DOCK2: variants seen among roughly 807,000 people sequenced by gnomAD.
DOCK2 encodes dedicator of cytokinesis 2, also known as dedicator of cytokinesis protein 2.
In DOCK2, 87 loss-of-function variants were observed where a neutral mutation model predicts 248.9. The observed-to-expected ratio is 0.35, with a 90% CI of 0.29 to 0.42. DOCK2 has a LOEUF of 0.42. DOCK2 is among the 10% of genes least tolerant of loss of function. The pLI is 1.00. For synonymous variants in DOCK2, 805 were observed against 821.6 expected (o/e 0.98, Z 0.35); for missense variants, 1,747 against 2,300.2 (o/e 0.76, Z 4.92).
intron 6 of DOCK2, 37 bp from the exon 7 acceptor site, chr5:169,681,707 C>G: frequency 6.2e-7 from 1 of 1,607,678 alleles, no homozygotes; most frequent in Non-Finnish European, 8.5e-7. Context: ...TAAAGTTCTC[C>G]CCTGATTTGT....
At chr5:170,065,741 G>A (rs1581570173) in intron 44 of DOCK2, among the ~76,000 whole-genome samples, 1 of 152,076 alleles carries the variant, frequency 6.6e-6, no homozygotes, top group African/African-American at 2.4e-5. Flanking sequence ...AGAACAGCAT[G>A]GGAAAGACCT....
chr5:169,973,684 C>T (rs1777608578), intron 27 of DOCK2, among the ~76,000 whole-genome samples: 1 of 152,130 alleles, frequency 6.6e-6, no homozygotes, highest in African/African-American at 2.4e-5. Context: ...GTATTGGTAC[C>T]TCATACAGAA....
rs996393477 is a variant in DOCK2, at chr5:169,772,055, C to T, written c.2554+10430C>T. On this transcript the variant is annotated intron_variant, in intron 25 of 51. Transcript: ENST00000520908. ...TTGCATTTTCAGGACATTGCTCTTT[C>T]CTACAGGCTGTGGGCTGAGTTGCTA... 2.6e-5 allele frequency among the ~76,000 whole-genome samples: 4 copies of T among 152,292 alleles called. 1 individual carries two copies. The highest frequency in any genetic ancestry group is 6.8e-3 in the Middle Eastern group (2 of 294).
intron 9 of DOCK2, among the ~76,000 whole-genome samples, chr5:169,691,789 C>T (rs1183008760): frequency 6.6e-6 from 1 of 152,068 alleles, no homozygotes; most frequent in African/African-American, 2.4e-5. Flanking sequence ...CTGAGCCTGG[C>T]ATGTGGGTCC....
At chr5:170,061,687 G>A (rs536004300) in intron 44 of DOCK2, among the ~76,000 whole-genome samples, 20 of 152,198 alleles carry the variant, frequency 1.3e-4, no homozygotes, top group Non-Finnish European at 2.1e-4. Context: ...CTATAATGAG[G>A]CTAACACTTT....
At chr5:170,038,984 G>A (rs969662238) in intron 36 of DOCK2, among the ~76,000 whole-genome samples, 1 of 152,228 alleles carries the variant, frequency 6.6e-6, no homozygotes. Context: ...TGGAGGTCAT[G>A]TGCAATTTCA....
chr5:170,050,978 G>A (rs868606657), intron 41 of DOCK2, among the ~76,000 whole-genome samples: 2 of 152,298 alleles, frequency 1.3e-5, no homozygotes, highest in Non-Finnish European at 1.5e-5. Context: ...TAAAAGAGGC[G>A]TTAAGTGACT....
At chr5:170,035,491 A>G (rs1009949327) in intron 35 of DOCK2, among the ~76,000 whole-genome samples, 6 of 152,186 alleles carry the variant, frequency 3.9e-5, no homozygotes, top group Admixed American at 2.0e-4. Context: ...ATTCATTGCT[A>G]ATAACTCCAC....
At chr5:169,780,717 G>A (rs1765666994) in intron 25 of DOCK2, among the ~76,000 whole-genome samples, 1 of 152,104 alleles carries the variant, frequency 6.6e-6, no homozygotes, top group Non-Finnish European at 1.5e-5. Flanking sequence ...TTGAAAGATG[G>A]TAATATCGTC....
chr5:169,849,712 G>T (rs1000745653), intron 27 of DOCK2, among the ~76,000 whole-genome samples: 4 of 152,226 alleles, frequency 2.6e-5, no homozygotes. Context: ...TAACAGAAGA[G>T]GACAAGGCTG....
At chr5:170,053,170 G>A (rs1004084360) in intron 41 of DOCK2, among the ~76,000 whole-genome samples, 7 of 152,220 alleles carry the variant, frequency 4.6e-5, no homozygotes, top group African/African-American at 1.7e-4. Context: ...ACAACTTCAG[G>A]GGACTTGTGT....
At chr5:170,034,628 G>T in intron 35 of DOCK2, 73 bp downstream of exon 35, 1 of 1,573,200 alleles carries the variant, frequency 6.4e-7, no homozygotes, top group Non-Finnish European at 8.6e-7. Context: ...TGGGTCTCAC[G>T]ATTGTTCTTC....
At position 169,985,849 on chromosome 5, in the gene DOCK2, A is replaced by C. The variant is rs1282618236; in HGVS notation, c.2920A>C (p.Ile974Leu). The part of the protein sequence containing the change: ...ELVDFLMETF[I>L]MFKDLIGKNV... ...TCAGGACTTCTTGATGGAGACCTTC[A>C]TCATGTTCAAGGACCTCATTGGAAA... Residue 974 changes from isoleucine to leucine, a missense_variant, in exon 29 of 52, where the codon ATC becomes CTC. By Grantham distance (5) the Ile-to-Leu change is conservative. This residue lies in a region of DOCK2 where 858 missense variants were observed against 1,183.5 expected (regional missense o/e 0.72). Coordinates refer to ENST00000520908, the MANE Select transcript of DOCK2 (RefSeq NM_004946.3). 1 of 1,610,186 alleles carries C rather than the reference A, an allele frequency of 6.2e-7. No homozygotes were observed. The highest frequency in any genetic ancestry group is 8.5e-7 in the Non-Finnish European group (1 of 1,177,720).
At chr5:169,800,931 CT>C (rs1766925206) in intron 25 of DOCK2, among the ~76,000 whole-genome samples, 1 of 77,632 alleles carries the variant, frequency 1.3e-5, no homozygotes, top group South Asian at 4.3e-4. Flanking sequence ...TTTCTTTTTT[CT>C]TTTCTTTCTT....
intron 30 of DOCK2, chr5:169,998,147 G>T: frequency 2.3e-6 from 1 of 428,642 alleles, no homozygotes; most frequent in South Asian, 1.7e-5. Context: ...TGGCTTCCTG[G>T]AGTCTCTTCA....
intron 29 of DOCK2, among the ~76,000 whole-genome samples, chr5:169,987,258 GA>G (rs1778091229): frequency 6.6e-6 from 1 of 152,194 alleles, no homozygotes; most frequent in African/African-American, 2.4e-5. Context: ...AAAAAATCCT[GA>G]GGCCACTCTT....
At chr5:169,644,531 C>T (rs1561900750) in intron 1 of DOCK2, among the ~76,000 whole-genome samples, 1 of 151,900 alleles carries the variant, frequency 6.6e-6, no homozygotes, top group Admixed American at 6.5e-5. Flanking sequence ...AGGGCTGCAT[C>T]GAGGCCTTCC....
intron 50 of DOCK2, chr5:170,080,691 C>T (rs773185529): frequency 7.3e-5 from 14 of 192,128 alleles, no homozygotes; most frequent in Non-Finnish European, 1.2e-4. Context: ...GCCACCACAT[C>T]TTATAGCTGC....
chr5:169,711,872 G>A, intron 15 of DOCK2, 63 bp from the exon 16 acceptor site: 1 of 1,574,188 alleles, frequency 6.4e-7, no homozygotes, highest in Non-Finnish European at 8.7e-7. Flanking sequence ...AAGTGTGTAG[G>A]GGGGTGCAGT....
Sources: gnomAD v4.1 joint callset for allele counts (sites outside exome capture counted in the v4.1 genomes callset) on GRCh38, gnomAD v4.1.1 for gene constraint, gnomAD v4.1.1 regional missense constraint, MANE v1.5 for transcripts, NCBI Gene and HGNC (gene_info 2026-07-23, HGNC 2026-07-21) for gene names.